The following MED24 variants were observed in gnomAD, a reference collection of about 807,000 sequenced individuals.
MED24 encodes mediator of RNA polymerase II transcription subunit 24.
A neutral mutation model predicts 118.8 loss-of-function variants in MED24; 74 were observed. That is an observed-to-expected ratio of 0.62 (90% CI 0.52 to 0.76). MED24 has a LOEUF of 0.76. Ranked by LOEUF, MED24 falls within the 30% of genes least tolerant of loss-of-function variation. The pLI is 0.00. For synonymous variants in MED24, 521 were observed against 523.9 expected, an observed-to-expected ratio of 0.99 and a Z score of 0.08; for missense variants, 1,041 against 1,278.9, an observed-to-expected ratio of 0.81 and a Z score of 2.84.
At chr17:40,043,995 G>A (rs1031243832) in intron 3 of MED24, among the ~76,000 whole-genome samples, 5 of 151,440 alleles carry the variant, frequency 3.3e-5, no homozygotes, top group African/African-American at 9.7e-5. Flanking sequence ...CGGGCGTGGT[G>A]GCACCCGCCC....
In MED24 at chr17:40,033,630, G is replaced by T. The variant is rs767895339; in HGVS notation, c.560-174C>A. The T allele has an allele frequency of 4.0e-5, 28 of 702,756 alleles. No individual in the cohort carries two copies. Among genetic ancestry groups the T allele is most frequent in the South Asian group, 3.6e-4 (24 of 66,840 alleles). The allele number at this position is 702,756 out of a possible 1,614,324, so 43.5% of individuals were successfully genotyped here. On this transcript the variant is annotated intron_variant, in intron 6 of 25. Coordinates refer to ENST00000394128, the MANE Select transcript of MED24 (RefSeq NM_014815.4). The surrounding 1 kb of genome is among the most constrained non-coding windows in gnomAD (Gnocchi z 5.2). The stretch of plus-strand genomic sequence containing the variant: ...AGGGCAGCATGCACTGTTTCCAGAA[G>T]GGGGGTGGGCACCTAGAGCTGGAAA...
rs1193282748 is a variant in MED24, at chr17:40,031,162, T to C, written c.1151A>G (p.Lys384Arg). The C allele has an allele frequency of 6.4e-7, 1 of 1,563,634 alleles. No individual in the cohort carries two copies. Among genetic ancestry groups the C allele is most frequent in the Non-Finnish European group, 8.7e-7 (1 of 1,152,978 alleles). ...SEASVNNLMA[K>R]RKADREHAPQ... ...GCACAGGTGCGTTCACACTTACCGC[T>C]TAGCCATAAGGTTGTTGACGCTGGC... Residue 384 changes from lysine (K) to arginine (R), a missense_variant, in exon 12 of 26, where the codon AAG becomes AGG. This residue lies in a region of MED24 where 434 missense variants were observed against 514.9 expected (regional missense o/e 0.84). Coordinates refer to ENST00000394128, the MANE Select transcript of MED24 (RefSeq NM_014815.4).
chr17:40,049,431 C>T (rs1985580896), intron 3 of MED24, among the ~76,000 whole-genome samples: 1 of 152,224 alleles, frequency 6.6e-6, no homozygotes. Flanking sequence ...TGATTGTTCA[C>T]ACTGGACTGG....
intron 3 of MED24, among the ~76,000 whole-genome samples, chr17:40,043,396 C>G (rs961574239): frequency 6.6e-5 from 10 of 152,146 alleles, no homozygotes; most frequent in Non-Finnish European, 1.3e-4. Flanking sequence ...CTGAAGGGAC[C>G]TGGAGACAGC....
At chr17:40,027,254 G>T in intron 16 of MED24, 129 bp downstream of exon 16, 1 of 1,214,244 alleles carries the variant, frequency 8.2e-7, no homozygotes, top group African/African-American at 1.5e-5. Flanking sequence ...AGCCCGGGTG[G>T]GCACCTGGTT....
chr17:40,036,734 G>C (rs1345242062), intron 3 of MED24, among the ~76,000 whole-genome samples: 1 of 148,044 alleles, frequency 6.8e-6, no homozygotes, highest in Non-Finnish European at 1.5e-5. Flanking sequence ...TCCTCAATAA[G>C]CATGGGTTAA....
chr17:40,044,511 C>T (rs548048523), intron 3 of MED24, among the ~76,000 whole-genome samples: 1 of 149,268 alleles, frequency 6.7e-6, no homozygotes, highest in African/African-American at 2.5e-5. Flanking sequence ...CAGAGGGAGA[C>T]TCCATCTCAA....
At chr17:40,025,116 T>C (rs554352241) in intron 19 of MED24, among the ~76,000 whole-genome samples, 1 of 152,174 alleles carries the variant, frequency 6.6e-6, no homozygotes, top group Non-Finnish European at 1.5e-5. Flanking sequence ...GAGGACACCA[T>C]GCTGAGTGAA....
chr17:40,028,737 G>C (rs1261133707), intron 14 of MED24, 89 bp downstream of exon 14: 1 of 1,553,746 alleles, frequency 6.4e-7, no homozygotes. Flanking sequence ...ATGAGACCCA[G>C]ACCCAGGCAC....
At chr17:40,026,786 A>G (rs904617202) in intron 17 of MED24, 40 bp from the exon 18 acceptor site, 1 of 1,611,378 alleles carries the variant, frequency 6.2e-7, no homozygotes, top group Non-Finnish European at 8.5e-7. Context: ...GGAGCAAGGA[A>G]CGGGCTCAGG....
At chr17:40,037,935 C>T (rs1984138544) in intron 3 of MED24, among the ~76,000 whole-genome samples, 1 of 151,428 alleles carries the variant, frequency 6.6e-6, no homozygotes, top group African/African-American at 2.4e-5. Context: ...AGAAATGTCA[C>T]ACACATACCC....
Position 40,031,622 on chromosome 17 carries a change from T to C in MED24, c.985-2A>G. 1 of 1,613,694 alleles carries C rather than the reference T, an allele frequency of 6.2e-7. No individual in the cohort carries two copies. Among genetic ancestry groups the C allele is most frequent in the Non-Finnish European group, 8.5e-7 (1 of 1,179,658 alleles). On this transcript the variant is annotated splice_acceptor_variant, in intron 10 of 25. Coordinates refer to ENST00000394128, the MANE Select transcript of MED24 (RefSeq NM_014815.4). LOFTEE classifies it high-confidence loss of function. ...ACAGTTGACATCCTCAGTGAAGTCC[T>C]AGAAAGAGGCAGAAGTGTCCATCTG...
rs770513901 is a variant in MED24, at chr17:40,033,091, G to T, written c.787C>A (p.Leu263Met). The T allele has an allele frequency of 1.2e-6, 2 of 1,614,096 alleles. No individual in the cohort carries two copies. The highest frequency in any genetic ancestry group is 3.3e-5 in the Admixed American group (2 of 60,026). Reference protein sequence around the residue: ...TMNLTGETQSLVEQLTMVKRM... With the variant: ...TMNLTGETQSMVEQLTMVKRM... ...TTCACCATCGTCAGCTGCTCCACCA[G>T]GGACTGCGTCTCGCCTGTCAGGTTC... Residue 263 changes from leucine (L) to methionine (M), a missense_variant, in exon 8 of 26, where the codon CTG becomes ATG. By Grantham distance (15) the Leu-to-Met change is conservative. Transcript: ENST00000394128. This position sits in a 1 kb window ranked among gnomAD's most constrained non-coding sequence, Gnocchi z 5.2.
At chr17:40,043,408 G>A (rs1984763775) in intron 3 of MED24, among the ~76,000 whole-genome samples, 1 of 152,180 alleles carries the variant, frequency 6.6e-6, no homozygotes, top group Admixed American at 6.6e-5. Context: ...GGAGACAGCA[G>A]ATGACACATA....
intron 10 of MED24, 45 bp downstream of exon 10, chr17:40,031,998 G>A: frequency 6.3e-7 from 1 of 1,592,706 alleles, no homozygotes; most frequent in Non-Finnish European, 8.6e-7. Flanking sequence ...CCTCCCCTTT[G>A]CCCTTATTTC....
rs186588706 is a variant in MED24 at position 40,028,974 on chromosome 17, G to T, written c.1267-6C>A. The stretch of plus-strand genomic sequence containing the variant: ...GAGTGGTCTGCATCCATCGTCTGGG[G>T]ACAGGACAGGAAATCAAGTCCTGAA... On this transcript the variant is annotated splice_polypyrimidine_tract_variant and splice_region_variant and intron_variant, in intron 13 of 25. Transcript: ENST00000394128. 1.9e-6 allele frequency: 3 copies of T among 1,614,076 alleles called. No individual in the cohort carries two copies. The highest frequency in any genetic ancestry group is 2.2e-5 in the East Asian group (1 of 44,900).
rs192974450 is a variant in MED24, at chr17:40,038,778, T to C, written c.214-2624A>G. On this transcript the variant is annotated intron_variant, in intron 3 of 25. Transcript: ENST00000394128. ...TCACCTGGGTTTGGCAAACTTTCCA[T>C]CCATGTGCAATTTCCCTCTCACCAA... Among the ~76,000 whole-genome samples the C allele has an allele frequency of 1.6e-3, 241 of 151,204 alleles. 1 individual carries two copies. The highest frequency in any genetic ancestry group is 5.7e-3 in the African/African-American group (234 of 41,138).
intron 14 of MED24, among the ~76,000 whole-genome samples, chr17:40,028,337 C>T (rs1485824370): frequency 2.0e-5 from 3 of 152,284 alleles, no homozygotes; most frequent in South Asian, 2.1e-4. Context: ...CGGTCTTGAA[C>T]TCCTGACCTC....
intron 9 of MED24, 61 bp from the exon 10 acceptor site, chr17:40,032,151 CT>C (rs1474597607): frequency 6.3e-7 from 1 of 1,575,942 alleles, no homozygotes; most frequent in Non-Finnish European, 8.7e-7. Flanking sequence ...TCATCTACCC[CT>C]GAAGGCATCC....
Sources: gnomAD v4.1 joint callset for allele counts (sites outside exome capture counted in the v4.1 genomes callset) on GRCh38, gnomAD v4.1.1 for gene constraint, gnomAD v4.1.1 regional missense constraint, Gnocchi (gnomAD v3.1) non-coding constraint, MANE v1.5 for transcripts, NCBI Gene and HGNC (gene_info 2026-07-23, HGNC 2026-07-21) for gene names.